The following KCNMA1 variants were observed in gnomAD, a reference collection of about 807,000 sequenced individuals.
The protein encoded by KCNMA1 is potassium calcium-activated channel subfamily M alpha 1, also known as Calcium-activated potassium channel subunit alpha-1.
In KCNMA1, 29 loss-of-function variants were observed where a neutral mutation model predicts 140.0. That is an observed-to-expected ratio of 0.21 (90% CI 0.15 to 0.28). The LOEUF (loss-of-function observed/expected upper bound fraction) is 0.28. KCNMA1 is among the 10% of genes least tolerant of loss of function. The pLI, the probability that KCNMA1 is intolerant of heterozygous loss-of-function variation, is 1.00. For synonymous variants in KCNMA1, 612 were observed against 611.9 expected (o/e 1.00, Z 0.00); for missense variants, 880 against 1,602.2 (o/e 0.55, Z 7.70).
At chr10:77,290,554 A>G (rs540663305) in intron 2 of KCNMA1, among the ~76,000 whole-genome samples, 1 of 152,340 alleles carries the variant, frequency 6.6e-6, no homozygotes, top group South Asian at 2.1e-4. Context: ...CTTTAATCCC[A>G]TTACCCAATT....
intron 1 of KCNMA1, among the ~76,000 whole-genome samples, chr10:77,526,202 T>G (rs2055572318): frequency 6.6e-6 from 1 of 152,218 alleles, no homozygotes; most frequent in African/African-American, 2.4e-5. Context: ...TCCACATCAC[T>G]GAACCACTGA....
chr10:77,387,972 C>G (rs2095675641), intron 2 of KCNMA1, among the ~76,000 whole-genome samples: 1 of 152,110 alleles, frequency 6.6e-6, no homozygotes, highest in South Asian at 2.1e-4. Flanking sequence ...AACCTTAAAT[C>G]TTTGGCCAAA....
intron 2 of KCNMA1, among the ~76,000 whole-genome samples, chr10:77,403,217 A>G (rs964522503): frequency 3.9e-5 from 6 of 152,188 alleles, no homozygotes; most frequent in Non-Finnish European, 7.3e-5. Flanking sequence ...AAACATACAG[A>G]GAAGGGGCAG....
chr10:77,163,784 C>T (rs2098599899), intron 5 of KCNMA1, among the ~76,000 whole-genome samples: 1 of 152,172 alleles, frequency 6.6e-6, no homozygotes, highest in African/African-American at 2.4e-5. Context: ...GATGTCTTTG[C>T]TCCTTCCTTT....
rs200741233 is a variant in KCNMA1, at chr10:77,403,919, G to A, written c.483C>T (p.Ser161=). 319 of 1,614,116 alleles carry A rather than the reference G, an allele frequency of 2.0e-4. No homozygotes were observed. The highest frequency in any genetic ancestry group is 2.5e-4 in the Non-Finnish European group (295 of 1,180,018). ...TCATCACCCCCGCCCAGTCCTTCAC[G>A]GAGGTCATCCAGCCGACCTCGGCGG... ...AVAAEVGWMT[S]VKDWAGVMIS... The change falls in exon 2 of 28, where the codon TCC becomes TCT. Residue 161 remains serine (S), a synonymous_variant. Coordinates refer to ENST00000286628, the MANE Select transcript of KCNMA1 (RefSeq NM_001161352.2).
At chr10:76,883,963 C>T (rs2035731766), downstream of KCNMA1, 4 of 974,906 alleles carry the variant, frequency 4.1e-6, no homozygotes, top group African/African-American at 7.0e-5. Context: ...TATCATTAGT[C>T]AAATATGGTG....
intron 2 of KCNMA1, among the ~76,000 whole-genome samples, chr10:77,311,127 G>A (rs1452878754): frequency 6.6e-6 from 1 of 152,198 alleles, no homozygotes; most frequent in Non-Finnish European, 1.5e-5. Flanking sequence ...TCTGTGAAGA[G>A]TCTCCAGCAG....
chr10:77,204,364 A>G (rs185419967), intron 3 of KCNMA1, among the ~76,000 whole-genome samples: 16 of 152,290 alleles, frequency 1.1e-4, no homozygotes, highest in Admixed American at 9.8e-4. Flanking sequence ...TGAGAAGGCT[A>G]TGGGATAGTT....
intron 2 of KCNMA1, 144 bp downstream of exon 2, chr10:77,403,718 C>G: frequency 1.4e-6 from 1 of 721,892 alleles, no homozygotes; most frequent in South Asian, 1.9e-5. Flanking sequence ...CCTCCATGAC[C>G]ACGCGGGAGC....
chr10:76,970,016 C>G lies in KCNMA1; in HGVS notation c.2318G>C (p.Gly773Ala). ...TLSPKKKQRNGGMRNSPNTSP... is the reference protein window; with the variant it reads ...TLSPKKKQRNAGMRNSPNTSP... ...GGTGTTGGGTGAGTTCCGCATGCCTCCATTCCGTTGCTTTTTTTTTGGTGA... is the reference window on the plus strand; with the variant it reads ...GGTGTTGGGTGAGTTCCGCATGCCTGCATTCCGTTGCTTTTTTTTTGGTGA... The change falls in exon 20 of 28, where the codon GGA becomes GCA. Residue 773 changes from glycine (G) to alanine (A), a missense_variant. Physicochemically the swap from Gly to Ala is moderately conservative, Grantham distance 60. This residue lies in a region of KCNMA1 where 196 missense variants were observed against 233.0 expected (regional missense o/e 0.84). Coordinates refer to ENST00000286628, the MANE Select transcript of KCNMA1 (RefSeq NM_001161352.2). 4 of 1,614,078 alleles carry G rather than the reference C, an allele frequency of 2.5e-6. No individual in the cohort carries two copies. The highest frequency in any genetic ancestry group is 3.4e-6 in the Non-Finnish European group (4 of 1,179,980).
intron 1 of KCNMA1, among the ~76,000 whole-genome samples, chr10:77,425,387 A>G (rs1384188720): frequency 2.6e-5 from 4 of 152,156 alleles, no homozygotes; most frequent in Non-Finnish European, 4.4e-5. Context: ...TATCTCCCCA[A>G]ATAGATGAGA....
At chr10:77,516,572 G>A (rs753055416) in intron 1 of KCNMA1, among the ~76,000 whole-genome samples, 11 of 152,236 alleles carry the variant, frequency 7.2e-5, no homozygotes, top group African/African-American at 9.6e-5. Context: ...ATGAATTTAA[G>A]AATGAGAAAG....
chr10:76,900,168 C>G (rs1347780635), intron 25 of KCNMA1, among the ~76,000 whole-genome samples: 1 of 151,942 alleles, frequency 6.6e-6, no homozygotes, highest in African/African-American at 2.4e-5. Context: ...ATAATGTACA[C>G]TGTTTCATAA....
chr10:76,898,520 A>T (rs2043617415), intron 25 of KCNMA1, among the ~76,000 whole-genome samples: 1 of 151,886 alleles, frequency 6.6e-6, no homozygotes, highest in Non-Finnish European at 1.5e-5. Context: ...TTACAAAAAA[A>T]AAAATCAATG....
intron 1 of KCNMA1, among the ~76,000 whole-genome samples, chr10:77,596,909 TC>T (rs1344434553): frequency 1.3e-5 from 2 of 152,150 alleles, no homozygotes; most frequent in Non-Finnish European, 2.9e-5. Context: ...AGGTGTGACT[TC>T]CCCTCTTTGC....
At chr10:77,561,258 TA>T (rs762820150) in intron 1 of KCNMA1, among the ~76,000 whole-genome samples, 6 of 152,124 alleles carry the variant, frequency 3.9e-5, no homozygotes, top group Non-Finnish European at 7.3e-5. Flanking sequence ...TCACTTGATA[TA>T]AAATAAAGTT....
intron 19 of KCNMA1, among the ~76,000 whole-genome samples, chr10:76,994,833 T>A (rs1322227691): frequency 6.6e-6 from 1 of 152,152 alleles, no homozygotes; most frequent in Admixed American, 6.5e-5. Flanking sequence ...ATGACAAGCA[T>A]CCATCTCCGA....
intron 1 of KCNMA1, among the ~76,000 whole-genome samples, chr10:77,416,170 A>C (rs1467511189): frequency 1.3e-5 from 2 of 152,082 alleles, no homozygotes; most frequent in Non-Finnish European, 2.9e-5. Flanking sequence ...CCCTCGAAAA[A>C]TGTGGCTTTC....
At chr10:77,428,893 G>T (rs549689376) in intron 1 of KCNMA1, among the ~76,000 whole-genome samples, 1 of 152,162 alleles carries the variant, frequency 6.6e-6, no homozygotes, top group African/African-American at 2.4e-5. Flanking sequence ...AGTGGGTTTT[G>T]AAATCCAAGT....
Sources: allele counts gnomAD v4.1 joint callset (sites outside exome capture counted in the v4.1 genomes callset), GRCh38; gene constraint gnomAD v4.1.1; regional missense constraint gnomAD v4.1.1; transcripts MANE v1.5; gene names NCBI Gene and HGNC (gene_info 2026-07-23, HGNC 2026-07-21).